Variants in RBFOX1 observed in about 807,000 individuals in gnomAD.
RBFOX1 encodes RNA binding fox-1 homolog 1, also known as RNA binding protein fox-1 homolog 1.
In RBFOX1, 8 loss-of-function variants were observed where a neutral mutation model predicts 57.7. That is an observed-to-expected ratio of 0.14 (90% CI 0.08 to 0.25). The LOEUF (loss-of-function observed/expected upper bound fraction) is 0.25. Among genes scored for constraint, RBFOX1 ranks in the 10% least tolerant of loss-of-function variants. RBFOX1 has a pLI of 1.00. For missense variants in RBFOX1, 611 were observed against 548.5 expected (o/e 1.11, Z -1.14); for synonymous variants, 326 against 222.4 (o/e 1.47, Z -4.15).
chr16:7,154,685 TTGTGTGTG>T (rs56742260), intron 4 of RBFOX1, among the ~76,000 whole-genome samples: 29,419 of 142,892 alleles, frequency 0.21, 2,983 homozygotes, highest in East Asian at 0.24. Flanking sequence ...CCCTCTTCCT[TTGTGTGTG>T]TGTGTGTGTG....
intron 4 of RBFOX1, among the ~76,000 whole-genome samples, chr16:7,089,229 C>T (rs1440855431): frequency 1.3e-5 from 2 of 152,266 alleles, no homozygotes; most frequent in East Asian, 3.9e-4. Flanking sequence ...CAAGTTTTCT[C>T]TTCGAGCTTG....
At chr16:5,784,359 G>A (rs942515344) in intron 3 of RBFOX1, among the ~76,000 whole-genome samples, 8 of 152,062 alleles carry the variant, frequency 5.3e-5, no homozygotes, top group Admixed American at 1.3e-4. Flanking sequence ...CCCAGGAGGC[G>A]GAGCTTGCAG....
chr16:5,611,707 C>CCATCT (rs2047798715), intron 3 of RBFOX1, among the ~76,000 whole-genome samples: 1 of 144,472 alleles, frequency 6.9e-6, no homozygotes, highest in African/African-American at 2.7e-5. Context: ...CCCACTCTCC[C>CCATCT]ATCCATCCAT....
intron 1 of RBFOX1, among the ~76,000 whole-genome samples, chr16:6,303,805 C>CTTTTTTTTT (rs1177185329): frequency 5.7e-5 from 4 of 70,408 alleles, no homozygotes; most frequent in Admixed American, 2.1e-4. Flanking sequence ...GAAACCCTGT[C>CTTTTTTTTT]TTTTTTTTTT....
chr16:7,470,339 G>T (rs1050185999), intron 4 of RBFOX1, among the ~76,000 whole-genome samples: 3 of 152,164 alleles, frequency 2.0e-5, no homozygotes, highest in African/African-American at 7.2e-5. Context: ...AGAGTTCCTG[G>T]TTCATGTGAC....
chr16:5,456,837 C>A (rs1383782498), intron 1 of RBFOX1, among the ~76,000 whole-genome samples: 1 of 152,162 alleles, frequency 6.6e-6, no homozygotes, highest in Admixed American at 6.5e-5. Flanking sequence ...TCACATGGCT[C>A]CTGAGACCCC....
intron 2 of RBFOX1, among the ~76,000 whole-genome samples, chr16:6,627,231 A>G (rs2098322942): frequency 6.6e-6 from 1 of 152,152 alleles, no homozygotes; most frequent in African/African-American, 2.4e-5. Flanking sequence ...GCACAGGGGA[A>G]TGAGATGGGG....
chr16:5,540,168 G>C (rs1240556438), intron 2 of RBFOX1, among the ~76,000 whole-genome samples: 1 of 152,148 alleles, frequency 6.6e-6, no homozygotes, highest in Non-Finnish European at 1.5e-5. Context: ...AAAGGATCTG[G>C]GGTCTTAGAC....
intron 4 of RBFOX1, among the ~76,000 whole-genome samples, chr16:6,013,950 C>T (rs770413694): frequency 1.9e-4 from 16 of 85,446 alleles, no homozygotes; most frequent in East Asian, 1.5e-3. Flanking sequence ...CATCACACAC[C>T]GGGGCCTGTT....
At chr16:6,692,001 T>A (rs975083625) in intron 3 of RBFOX1, among the ~76,000 whole-genome samples, 1 of 152,148 alleles carries the variant, frequency 6.6e-6, no homozygotes, top group Non-Finnish European at 1.5e-5. Context: ...CCCCTACAGC[T>A]TTCAGAGGAA....
intron 3 of RBFOX1, among the ~76,000 whole-genome samples, chr16:6,803,094 C>G (rs979970023): frequency 3.9e-5 from 6 of 152,106 alleles, no homozygotes; most frequent in Non-Finnish European, 8.8e-5. Flanking sequence ...TCCCCATCAC[C>G]CACTCTGCAG....
Position 6,118,163 on chromosome 16 carries a change from T to C in RBFOX1, c.-127+98171T>C, listed in dbSNP as rs183700995. On this transcript the variant is annotated intron_variant, in intron 1 of 15. Coordinates refer to ENST00000550418, the MANE Select transcript of RBFOX1 (RefSeq NM_018723.4). ...AACTAATAAGTTAGCATTAAGACCA[T>C]GCTGTTAACTGAAATATATACTTCA... is the stretch of plus-strand genomic sequence containing the variant. 2.9e-3 allele frequency among the ~76,000 whole-genome samples: 439 copies of C among 152,304 alleles called. 3 individuals are homozygous for C. Among genetic ancestry groups the C allele is most frequent in the Non-Finnish European group, 4.0e-3 (275 of 68,016 alleles).
chr16:7,013,750 C>A (rs1289931191), intron 3 of RBFOX1, among the ~76,000 whole-genome samples: 1 of 152,064 alleles, frequency 6.6e-6, no homozygotes, highest in Non-Finnish European at 1.5e-5. Flanking sequence ...CTCAAACTCC[C>A]AGGCTCAAGC....
At chr16:7,233,450 C>T (rs2093613838) in intron 4 of RBFOX1, among the ~76,000 whole-genome samples, 1 of 152,240 alleles carries the variant, frequency 6.6e-6, no homozygotes, top group Non-Finnish European at 1.5e-5. Flanking sequence ...ATGAAGGCAG[C>T]TCTGCTGTTG....
At chr16:7,532,810 G>A (rs2080451018) in intron 5 of RBFOX1, among the ~76,000 whole-genome samples, 1 of 152,182 alleles carries the variant, frequency 6.6e-6, no homozygotes, top group Non-Finnish European at 1.5e-5. Context: ...AATTGTGACA[G>A]AGCTCGATGG....
At chr16:5,403,021 C>T (rs544540750) in intron 1 of RBFOX1, among the ~76,000 whole-genome samples, 4 of 152,260 alleles carry the variant, frequency 2.6e-5, no homozygotes, top group South Asian at 2.1e-4. Context: ...CATGCACACA[C>T]GTATACACAA....
At chr16:6,092,599 C>T (rs1480310440) in intron 1 of RBFOX1, 1 of 152,238 alleles carries the variant, frequency 6.6e-6, no homozygotes, top group Non-Finnish European at 1.5e-5. Flanking sequence ...TTACAGTCTT[C>T]TGCATATGGC....
chr16:7,284,263 A>G (rs1238401454), intron 4 of RBFOX1, among the ~76,000 whole-genome samples: 1 of 152,192 alleles, frequency 6.6e-6, no homozygotes. Flanking sequence ...CTGTATAACA[A>G]TTCTTAGTTC....
At chr16:5,716,198 A>G (rs1051004563) in intron 3 of RBFOX1, among the ~76,000 whole-genome samples, 2 of 152,146 alleles carry the variant, frequency 1.3e-5, no homozygotes, top group Non-Finnish European at 2.9e-5. Context: ...TTAAACTTTT[A>G]TTTGGTTGGC....
Sources: gnomAD v4.1 joint callset for allele counts (sites outside exome capture counted in the v4.1 genomes callset) on GRCh38, gnomAD v4.1.1 for gene constraint, MANE v1.5 for transcripts, NCBI Gene and HGNC (gene_info 2026-07-23, HGNC 2026-07-21) for gene names.